Variants in POLN observed in about 807,000 individuals in gnomAD.
POLN encodes the protein DNA polymerase N.
A neutral mutation model predicts 113.5 loss-of-function variants in POLN; 108 were observed. The observed-to-expected ratio is 0.95, with a 90% CI of 0.81 to 1.12. POLN has a LOEUF of 1.12. Ranked by LOEUF, POLN falls within the 50% of genes most tolerant of loss-of-function variation. POLN has a pLI of 0.00. For synonymous variants in POLN, 386 were observed against 391.5 expected, an observed-to-expected ratio of 0.99 and a Z score of 0.17; for missense variants, 1,097 against 1,077.1, an observed-to-expected ratio of 1.02 and a Z score of -0.26.
intron 6 of POLN, among the ~76,000 whole-genome samples, chr4:2,197,719 A>C (rs1177489579): frequency 6.6e-6 from 1 of 152,198 alleles, no homozygotes; most frequent in Non-Finnish European, 1.5e-5. Context: ...TGTTTGTCAC[A>C]CATTCCCCTT....
chr4:2,213,047 C>T lies in POLN; in HGVS notation c.213G>A (p.Lys71=), dbSNP rs913765419. ...ATTACTCATATGTGCAATGATTTAC[C>T]TTTTTTTCTGGTGATTGAGTCTTCC... is the stretch of plus-strand genomic sequence containing the variant. ...EDRKTQSPEK[K]DLKSLRSQTS... The change falls in exon 4 of 26, where the codon AAG becomes AAA. Residue 71 remains lysine (K), a splice_region_variant and synonymous_variant. Coordinates refer to ENST00000511885, the MANE Select transcript of POLN (RefSeq NM_181808.4). The T allele has an allele frequency of 6.3e-7, 1 of 1,597,134 alleles. No individual in the cohort carries two copies. The highest frequency in any genetic ancestry group is 1.3e-5 in the African/African-American group (1 of 74,212).
rs1733077683 is a variant in POLN, at chr4:2,179,398, G to T, written c.1089C>A (p.Pro363=). 6.2e-7 allele frequency: 1 copy of T among 1,613,392 alleles called. No individual in the cohort carries two copies. Among genetic ancestry groups the T allele is most frequent in the Non-Finnish European group, 8.5e-7 (1 of 1,179,340 alleles). ...ATTTTTCTACTAAATCTTCAAAAGA[G>T]GGTGTGGCATCACTAGGATCTATAA... The part of the protein sequence containing the change: ...AWLIDPSDAT[P]SFEDLVEKYC... The change falls in exon 8 of 26, where the codon CCC becomes CCA. Residue 363 remains proline, a synonymous_variant. Transcript: ENST00000511885.
chr4:2,181,088 G>A (rs574067306), intron 7 of POLN, among the ~76,000 whole-genome samples: 1 of 148,806 alleles, frequency 6.7e-6, no homozygotes, highest in Admixed American at 6.7e-5. Context: ...AAACATAATA[G>A]CTAACTACTT....
intron 19 of POLN, among the ~76,000 whole-genome samples, chr4:2,101,607 C>T (rs532156347): frequency 1.0e-3 from 155 of 152,234 alleles, no homozygotes; most frequent in African/African-American, 1.2e-3. Flanking sequence ...CTGGGTCCCA[C>T]GTCCTTCCTA....
chr4:2,240,119 T>C, intron 2 of POLN: 2 of 1,614,028 alleles, frequency 1.2e-6, no homozygotes, highest in Non-Finnish European at 1.7e-6. Flanking sequence ...TTAAGTGAAT[T>C]AACTGATGTT....
intron 6 of POLN, among the ~76,000 whole-genome samples, chr4:2,195,253 T>G (rs900216403): frequency 3.3e-5 from 5 of 152,178 alleles, no homozygotes; most frequent in African/African-American, 1.2e-4. Flanking sequence ...TCCTAGAACT[T>G]ATAAAAATTA....
At chr4:2,171,277 G>T in intron 11 of POLN, 96 bp from the exon 12 acceptor site, 3 of 1,132,096 alleles carry the variant, frequency 2.6e-6, no homozygotes, top group Non-Finnish European at 3.9e-6. Flanking sequence ...AGCGAGATGG[G>T]CACGGTGGCT....
chr4:2,134,800 G>A lies in POLN; in HGVS notation c.1732-3510C>T, dbSNP rs899115790. 5.9e-5 allele frequency among the ~76,000 whole-genome samples: 9 copies of A among 152,180 alleles called. No individual in the cohort carries two copies. In the East Asian group the frequency reaches 7.7e-4, roughly 13 times the overall value. On this transcript the variant is annotated intron_variant, in intron 16 of 25. Coordinates refer to ENST00000511885, the MANE Select transcript of POLN (RefSeq NM_181808.4). Reference sequence around the variant, plus strand: ...CACAACGTTGAACAGCTGGAGACCTGGATCCCCCTTTCCAGGAGCACCTCA... The same window carrying A: ...CACAACGTTGAACAGCTGGAGACCTAGATCCCCCTTTCCAGGAGCACCTCA...
chr4:2,086,518 G>C (rs1310315477), intron 20 of POLN, among the ~76,000 whole-genome samples: 1 of 152,114 alleles, frequency 6.6e-6, no homozygotes, highest in Non-Finnish European at 1.5e-5. Context: ...CCTCAGCTGG[G>C]AGCCCCATGA....
intron 1 of POLN, 98 bp from the exon 2 acceptor site, chr4:2,241,888 C>A: frequency 1.0e-6 from 1 of 985,508 alleles, no homozygotes; most frequent in Non-Finnish European, 1.2e-6. Context: ...CCCAGCTCCT[C>A]GCCCAGCGGA....
At chr4:2,122,753 T>C (rs571766823) in intron 19 of POLN, among the ~76,000 whole-genome samples, 1 of 152,244 alleles carries the variant, frequency 6.6e-6, no homozygotes, top group East Asian at 1.9e-4. Flanking sequence ...ATGGGATGGG[T>C]ATTTTACCAC....
Position 2,152,047 on chromosome 4 carries a change from T to C in POLN, c.1731+4741A>G, listed in dbSNP as rs554137609. Among the ~76,000 whole-genome samples the C allele has an allele frequency of 2.6e-5, 4 of 151,734 alleles. No homozygotes were observed. In the South Asian group the frequency reaches 8.4e-4, roughly 32 times the overall value. On this transcript the variant is annotated intron_variant, in intron 16 of 25. Coordinates refer to ENST00000511885, the MANE Select transcript of POLN (RefSeq NM_181808.4). The stretch of plus-strand genomic sequence containing the variant: ...TTTTCTTTCTTTCTTCTTTTTTTTT[T>C]TTTGAGGTGGGATCTCACTCTGTCA...
At chr4:2,174,269 C>T (rs1054303006) in intron 10 of POLN, among the ~76,000 whole-genome samples, 8 of 152,366 alleles carry the variant, frequency 5.3e-5, no homozygotes, top group African/African-American at 1.9e-4. Flanking sequence ...CTGGCCCTTC[C>T]CACACTGTGA....
intron 5 of POLN, among the ~76,000 whole-genome samples, chr4:2,202,362 A>G (rs1733738364): frequency 6.6e-6 from 1 of 152,228 alleles, no homozygotes; most frequent in Admixed American, 6.5e-5. Context: ...ATTCCATGCA[A>G]AGGGAGACCA....
intron 19 of POLN, among the ~76,000 whole-genome samples, chr4:2,115,208 C>CTATATATATATATA (rs67359279): frequency 8.4e-6 from 1 of 119,256 alleles, no homozygotes; most frequent in African/African-American, 3.0e-5. Flanking sequence ...ACCACCACAG[C>CTATATATATATATA]TATATATATA....
In POLN at chr4:2,241,701, G is replaced by A; in HGVS notation, c.-194C>T. On this transcript the variant is annotated 5_prime_UTR_variant, in exon 2 of 26. Transcript: ENST00000511885. ...CCCCAGAGGCAGCGGCAAGCCCCAG[G>A]GATCCGCGGCCCCAAGGCCGCGATA... 1 of 985,504 alleles carries A rather than the reference G, an allele frequency of 1.0e-6. No individual in the cohort carries two copies. The allele number at this position is 985,504 out of a possible 1,614,324, so 61.0% of individuals were successfully genotyped here. A position where few individuals can be genotyped will look rare whatever the true frequency, so the allele number is the denominator to read the frequency against.
intron 24 of POLN, among the ~76,000 whole-genome samples, chr4:2,075,219 T>G (rs933907779): frequency 6.6e-6 from 1 of 152,188 alleles, no homozygotes; most frequent in Admixed American, 6.5e-5. Context: ...TACCTGGCGC[T>G]CTCTGAGGGG....
At chr4:2,159,948 AT>A (rs1211760510) in intron 13 of POLN, among the ~76,000 whole-genome samples, 1 of 152,108 alleles carries the variant, frequency 6.6e-6, no homozygotes, top group African/African-American at 2.4e-5. Flanking sequence ...TGGTACAGAG[AT>A]TTTTGTTAAT....
intron 3 of POLN, among the ~76,000 whole-genome samples, chr4:2,216,883 G>C (rs576112118): frequency 1.3e-5 from 2 of 152,202 alleles, no homozygotes. Flanking sequence ...TGGTGAGGGG[G>C]AGCCCCATGC....
Sources: allele counts gnomAD v4.1 joint callset (sites outside exome capture counted in the v4.1 genomes callset), GRCh38; gene constraint gnomAD v4.1.1; transcripts MANE v1.5; gene names NCBI Gene and HGNC (gene_info 2026-07-23, HGNC 2026-07-21).